The following DOCK3 variants were observed in gnomAD, a reference collection of about 807,000 sequenced individuals.
DOCK3 encodes the protein dedicator of cytokinesis protein 3.
DOCK3 carries 60 observed loss-of-function variants against 265.6 expected under a neutral mutation model. That is an observed-to-expected ratio of 0.23 (90% CI 0.18 to 0.28). The LOEUF is 0.28. Ranked by LOEUF, DOCK3 falls within the 10% of genes least tolerant of loss-of-function variation. The probability of loss-of-function intolerance (pLI) is 1.00; values close to 1 mark genes in which losing one functional copy is unlikely to be tolerated. For synonymous variants in DOCK3, 881 were observed against 938.0 expected (o/e 0.94, Z 1.11); for missense variants, 1,981 against 2,594.3 (o/e 0.76, Z 5.14).
Position 50,675,530 on chromosome 3 carries a change from C to A in DOCK3, c.37+230C>A, listed in dbSNP as rs1335898694. Among the ~76,000 whole-genome samples, 1 of 151,812 alleles carries A rather than the reference C, an allele frequency of 6.6e-6. No homozygotes were observed. The highest frequency in any genetic ancestry group is 1.9e-4 in the East Asian group (1 of 5,176). ...GGGGGCGCTGGCGGTGCGGCCTTGG[C>A]AGGTGCGGCCCGCGGGAGGGGTGGG... On this transcript the variant is annotated intron_variant, in intron 1 of 52. Transcript: ENST00000266037. The surrounding 1 kb of genome is among the most constrained non-coding windows in gnomAD (Gnocchi z 6.1).
chr3:50,807,872 C>T (rs2043523159), intron 2 of DOCK3, among the ~76,000 whole-genome samples: 1 of 152,122 alleles, frequency 6.6e-6, no homozygotes, highest in Admixed American at 6.5e-5. Flanking sequence ...ACCTCAGCCT[C>T]CTGAGTAACT....
At chr3:50,825,339 A>G (rs1161283728) in intron 2 of DOCK3, among the ~76,000 whole-genome samples, 1 of 152,246 alleles carries the variant, frequency 6.6e-6, no homozygotes, top group Non-Finnish European at 1.5e-5. Context: ...CCGAATCCCA[A>G]GGTGGTAGCA....
intron 1 of DOCK3, among the ~76,000 whole-genome samples, chr3:50,741,053 T>C (rs1576300017): frequency 6.6e-6 from 1 of 151,984 alleles, no homozygotes. Context: ...TGTTCTTTTG[T>C]GTTTGGCTTG....
At chr3:51,203,167 G>T (rs531760729) in intron 12 of DOCK3, among the ~76,000 whole-genome samples, 1 of 152,110 alleles carries the variant, frequency 6.6e-6, no homozygotes, top group Non-Finnish European at 1.5e-5. Flanking sequence ...GTTCTGGCCA[G>T]GGCAATTAGG....
At chr3:50,877,442 T>C (rs1182636298) in intron 3 of DOCK3, 3 of 519,970 alleles carry the variant, frequency 5.8e-6, no homozygotes, top group Non-Finnish European at 1.2e-5. Flanking sequence ...GTGCTTTCCC[T>C]CACCACTTAT....
At chr3:50,909,909 G>A (rs1356355721) in intron 4 of DOCK3, among the ~76,000 whole-genome samples, 1 of 151,808 alleles carries the variant, frequency 6.6e-6, no homozygotes. Flanking sequence ...CAGCGGTTTT[G>A]TTCATTCCTT....
chr3:50,896,202 T>A (rs567774107), intron 4 of DOCK3, among the ~76,000 whole-genome samples: 1 of 152,222 alleles, frequency 6.6e-6, no homozygotes, highest in Non-Finnish European at 1.5e-5. Flanking sequence ...CTAACTGGCG[T>A]GAGATGGTAT....
chr3:50,924,589 C>A (rs191019603), intron 4 of DOCK3, among the ~76,000 whole-genome samples: 1 of 152,232 alleles, frequency 6.6e-6, no homozygotes, highest in Non-Finnish European at 1.5e-5. Context: ...AAGTCCAAAT[C>A]TCATCCTCTT....
chr3:50,764,790 T>C (rs534621614), intron 1 of DOCK3, among the ~76,000 whole-genome samples: 5 of 152,240 alleles, frequency 3.3e-5, no homozygotes, highest in African/African-American at 1.2e-4. Context: ...TCTTAAAAAT[T>C]TTTTAAATGT....
At chr3:50,698,262 GA>G (rs1237724632) in intron 1 of DOCK3, among the ~76,000 whole-genome samples, 1 of 151,916 alleles carries the variant, frequency 6.6e-6, no homozygotes, top group East Asian at 1.9e-4. Context: ...CATATAAATG[GA>G]ATCATGTATT....
chr3:51,308,544 T>C (rs1022489612), intron 27 of DOCK3, among the ~76,000 whole-genome samples: 22 of 151,602 alleles, frequency 1.5e-4, no homozygotes, highest in African/African-American at 1.7e-4. Context: ...GGTAAGGTCA[T>C]AGATCAACAG....
At chr3:50,992,265 T>C (rs2078133300) in intron 5 of DOCK3, among the ~76,000 whole-genome samples, 1 of 152,182 alleles carries the variant, frequency 6.6e-6, no homozygotes, top group African/African-American at 2.4e-5. Context: ...GAAATCGAGA[T>C]GTGAAAAACA....
chr3:51,145,601 T>A (rs1226448643), intron 9 of DOCK3, among the ~76,000 whole-genome samples: 2 of 152,124 alleles, frequency 1.3e-5, no homozygotes, highest in African/African-American at 4.8e-5. Flanking sequence ...TTTTTTTATT[T>A]TTATTTTTAT....
At chr3:50,721,706 A>G (rs929966139) in intron 1 of DOCK3, among the ~76,000 whole-genome samples, 1 of 152,194 alleles carries the variant, frequency 6.6e-6, no homozygotes, top group Non-Finnish European at 1.5e-5. Context: ...GAATTTTAGA[A>G]TAACTTTTTC....
chr3:51,026,069 G>C (rs1212619165), intron 5 of DOCK3, among the ~76,000 whole-genome samples: 1 of 152,014 alleles, frequency 6.6e-6, no homozygotes, highest in Non-Finnish European at 1.5e-5. Context: ...AAAATTCACA[G>C]TGTGAATCTC....
At chr3:50,874,420 C>A (rs1009704827) in intron 3 of DOCK3, among the ~76,000 whole-genome samples, 3 of 151,764 alleles carry the variant, frequency 2.0e-5, no homozygotes, top group Admixed American at 2.0e-4. Flanking sequence ...GCAGGAGGAT[C>A]CCTTGAGCCT....
intron 24 of DOCK3, among the ~76,000 whole-genome samples, chr3:51,271,852 A>G (rs995113923): frequency 4.4e-4 from 26 of 59,110 alleles, no homozygotes; most frequent in Admixed American, 9.5e-4. Flanking sequence ...CTGTCTCAGG[A>G]AAAAAAAAAA....
Position 51,381,416 on chromosome 3 carries a change from G to T in DOCK3, c.5950G>T (p.Ala1984Ser). ...CAAGCCCTACCACCCCCGCCTGCCG[G>T]CCCTGGAGCACGATGAGGGGGTGCT... is the stretch of plus-strand genomic sequence containing the variant. ...PPKPYHPRLP[A>S]LEHDEGVLLR... The change falls in exon 53 of 53, where the codon GCC becomes TCC. Residue 1984 changes from alanine (A) to serine (S), a missense_variant. Around this residue, in one of 4 missense-constraint regions of DOCK3, gnomAD observed 149 missense variants for 144.7 expected, o/e 1.03. Transcript: ENST00000266037. The surrounding 1 kb of genome is among the most constrained non-coding windows in gnomAD (Gnocchi z 5.6). 1 of 1,612,092 alleles carries T rather than the reference G, an allele frequency of 6.2e-7. No individual in the cohort carries two copies. Among genetic ancestry groups the T allele is most frequent in the South Asian group, 1.1e-5 (1 of 90,998 alleles).
In DOCK3 at chr3:50,804,025, T is replaced by C. The variant is rs547423378; in HGVS notation, c.121+25267T>C. Among the ~76,000 whole-genome samples the C allele has an allele frequency of 1.4e-4, 18 of 128,756 alleles. No homozygotes were observed. In the East Asian group the frequency reaches 4.3e-3, roughly 31 times the overall value. 84.5% of individuals were successfully genotyped at this position (128,756 alleles called of 152,430 possible). A position where few individuals can be genotyped will look rare whatever the true frequency, so the allele number is the denominator to read the frequency against. On this transcript the variant is annotated intron_variant, in intron 2 of 52. Coordinates refer to ENST00000266037, the MANE Select transcript of DOCK3 (RefSeq NM_004947.5). ...GACACTCCTCACCTCCCAGACGGGG[T>C]GGTGGTCGGGCAGAGACACTCCTTA...
Sources: gnomAD v4.1 joint callset for allele counts (sites outside exome capture counted in the v4.1 genomes callset) on GRCh38, gnomAD v4.1.1 for gene constraint, gnomAD v4.1.1 regional missense constraint, Gnocchi (gnomAD v3.1) non-coding constraint, MANE v1.5 for transcripts, NCBI Gene and HGNC (gene_info 2026-07-23, HGNC 2026-07-21) for gene names.